The following TMEM222 variants were observed in gnomAD, a reference collection of about 807,000 sequenced individuals.
TMEM222 encodes the protein transmembrane protein 222, also known as chromosome 1 open reading frame 160.
In TMEM222, 18 loss-of-function variants were observed where a neutral mutation model predicts 25.1. That is an observed-to-expected ratio of 0.72 (90% CI 0.50 to 1.06). The LOEUF is 1.06. TMEM222 is among the 50% of genes least tolerant of loss of function. TMEM222 has a pLI of 0.00. For missense variants in TMEM222, 296 were observed against 293.7 expected (o/e 1.01, Z -0.06); for synonymous variants, 131 against 117.9 (o/e 1.11, Z -0.72).
At chr1:27,334,759 G>C in intron 5 of TMEM222, 1 of 1,192,330 alleles carries the variant, frequency 8.4e-7, no homozygotes, top group Non-Finnish European at 1.1e-6. Context: ...GCATAGGTTA[G>C]TGCTGATCTG....
intron 5 of TMEM222, chr1:27,334,951 G>A: frequency 2.2e-6 from 1 of 448,812 alleles, no homozygotes; most frequent in Non-Finnish European, 3.3e-6. Flanking sequence ...CAACACTGCT[G>A]ACCCTTGCCA....
At chr1:27,330,987 C>T in intron 2 of TMEM222, 183 bp downstream of exon 2, 1 of 1,487,752 alleles carries the variant, frequency 6.7e-7, no homozygotes, top group South Asian at 1.4e-5. Flanking sequence ...GCCTCCAGGA[C>T]AGGCCGGGAG....
intron 5 of TMEM222, 128 bp from the exon 6 acceptor site, chr1:27,335,251 G>A (rs2148020000): frequency 2.3e-6 from 2 of 867,376 alleles, no homozygotes; most frequent in Non-Finnish European, 3.7e-6. Flanking sequence ...CAAGTTTGGG[G>A]TGAGGGGGTG....
chr1:27,335,204 A>G lies in TMEM222; in HGVS notation c.540-175A>G, dbSNP rs956425984. On this transcript the variant is annotated intron_variant, in intron 5 of 5. Transcript: ENST00000374076. ...GGGACCATAGCTGGTGATCCCCCAT[A>G]GTGGGCAACCATGCCCAGCCTGCTT... 3.1e-5 allele frequency: 20 copies of G among 640,710 alleles called. No individual in the cohort carries two copies. In the African/African-American group the frequency reaches 3.6e-4, roughly 12 times the overall value. The allele number at this position is 640,710 out of a possible 1,614,324, so 39.7% of individuals were successfully genotyped here.
At chr1:27,327,415 G>A (rs1019757425) in intron 1 of TMEM222, among the ~76,000 whole-genome samples, 12 of 152,152 alleles carry the variant, frequency 7.9e-5, no homozygotes, top group Non-Finnish European at 1.0e-4. Context: ...TAGAGACAGA[G>A]TCTTGCTCTG....
intron 1 of TMEM222, among the ~76,000 whole-genome samples, chr1:27,323,285 A>G (rs1209861751): frequency 1.3e-5 from 2 of 152,188 alleles, no homozygotes; most frequent in Non-Finnish European, 2.9e-5. Flanking sequence ...TTTGCACTAC[A>G]TCTTATCCAC....
At chr1:27,331,198 G>A in intron 2 of TMEM222, 10 of 1,080,938 alleles carry the variant, frequency 9.3e-6, no homozygotes, top group Non-Finnish European at 1.1e-5. Context: ...TGGCCATGGA[G>A]AAGAGGGGGT....
intron 1 of TMEM222, among the ~76,000 whole-genome samples, chr1:27,326,016 G>A (rs947284343): frequency 3.3e-5 from 5 of 152,180 alleles, no homozygotes; most frequent in African/African-American, 1.2e-4. Flanking sequence ...CTTGGTATTT[G>A]TTTAATACCC....
Position 27,330,749 on chromosome 1 carries a change from G to C in TMEM222, c.224G>C (p.Gly75Ala). 6.2e-7 allele frequency: 1 copy of C among 1,614,132 alleles called. No individual in the cohort carries two copies. The highest frequency in any genetic ancestry group is 1.1e-5 in the South Asian group (1 of 91,078). ...TTTTTCCCCATCATCGGCCACATGG[G>C]CATCTGCACATCCACAGGAGTCATT... ...TWFFPIIGHM[G>A]ICTSTGVIRD... The change falls in exon 2 of 6, where the codon GGC becomes GCC. Residue 75 changes from glycine (G) to alanine (A), a missense_variant. Transcript: ENST00000374076.
In TMEM222 at chr1:27,330,958, C is replaced by A. The variant is rs1456391464; in HGVS notation, c.279+154C>A. 2.0e-6 allele frequency: 3 copies of A among 1,511,372 alleles called. No homozygotes were observed. In the Admixed American group the frequency reaches 6.9e-5, roughly 35 times the overall value. 93.6% of individuals were successfully genotyped at this position (1,511,372 alleles called of 1,614,324 possible). ...CCCTCTGCCCCTCACCAGTGTTTGACCCCTTTCCCCCTTCTCTTGCCTCCA... is the reference window on the plus strand; with the variant it reads ...CCCTCTGCCCCTCACCAGTGTTTGAACCCTTTCCCCCTTCTCTTGCCTCCA... On this transcript the variant is annotated intron_variant, in intron 2 of 5. Transcript: ENST00000374076.
chr1:27,324,154 C>G (rs1296253045), intron 1 of TMEM222, among the ~76,000 whole-genome samples: 2 of 152,038 alleles, frequency 1.3e-5, no homozygotes, highest in East Asian at 1.9e-4. Context: ...GGAGAAACCC[C>G]ATCTCTACTA....
intron 1 of TMEM222, among the ~76,000 whole-genome samples, chr1:27,328,732 ATGT>A (rs1445752859): frequency 5.3e-5 from 8 of 151,982 alleles, no homozygotes; most frequent in Non-Finnish European, 1.2e-4. Context: ...CTGCCTGTTG[ATGT>A]TGTGTCCTTT....
intron 5 of TMEM222, chr1:27,334,807 AT>A (rs1277724577): frequency 9.1e-7 from 1 of 1,102,166 alleles, no homozygotes; most frequent in Admixed American, 4.5e-5. Context: ...CACGTTCATC[AT>A]TAAGAGGTTC....
intron 5 of TMEM222, chr1:27,334,958 G>T: frequency 2.5e-6 from 1 of 404,128 alleles, no homozygotes; most frequent in Non-Finnish European, 3.8e-6. Flanking sequence ...GCTGACCCTT[G>T]CCAGCCCCAG....
intron 2 of TMEM222, 104 bp from the exon 3 acceptor site, chr1:27,331,965 CT>C (rs2014489016): frequency 4.8e-6 from 6 of 1,259,640 alleles, no homozygotes; most frequent in Non-Finnish European, 5.8e-6. Flanking sequence ...CCCCCCACCC[CT>C]GACATACCCT....
At chr1:27,330,827 CG>C (rs759790832) in intron 2 of TMEM222, 23 bp downstream of exon 2, 3 of 1,612,888 alleles carry the variant, frequency 1.9e-6, no homozygotes, top group Non-Finnish European at 8.5e-7. Context: ...TCTGCCCACC[CG>C]GGGGGTTCCA....
At position 27,322,302 on chromosome 1, in the gene TMEM222, GC is replaced by G; in HGVS notation, c.106del (p.Gln36AsnfsTer117). 6.4e-7 allele frequency: 1 copy of G among 1,564,016 alleles called. No individual in the cohort carries two copies. Among genetic ancestry groups the G allele is most frequent in the Non-Finnish European group, 8.7e-7 (1 of 1,152,830 alleles). On this transcript the variant is annotated frameshift_variant, in exon 1 of 6. Transcript: ENST00000374076. LOFTEE classifies it high-confidence loss of function. ...CGACGGCGGCCGAGACGGACATGAAGCAATATCAAGGCTCCGGCGGCGTCGC... is the reference window on the plus strand; with the variant it reads ...CGACGGCGGCCGAGACGGACATGAAGAATATCAAGGCTCCGGCGGCGTCGC... Reference protein sequence around the residue: ...APTAAETDMKQYQGSGGVAMD... With the variant: ...APTAAETDMKXYQGSGGVAMD...
At chr1:27,322,636 G>T (rs2014233558) in intron 1 of TMEM222, among the ~76,000 whole-genome samples, 1 of 152,242 alleles carries the variant, frequency 6.6e-6, no homozygotes, top group Non-Finnish European at 1.5e-5. Context: ...GCAGGAAAGG[G>T]CAAGTGGCTG....
At chr1:27,332,173 G>A (rs1261394264) in intron 3 of TMEM222, 72 bp downstream of exon 3, 3 of 1,552,594 alleles carry the variant, frequency 1.9e-6, no homozygotes, top group East Asian at 2.2e-5. Flanking sequence ...AGGCCTTCTG[G>A]GGCACAGGAG....
Sources: allele counts gnomAD v4.1 joint callset (sites outside exome capture counted in the v4.1 genomes callset), GRCh38; gene constraint gnomAD v4.1.1; transcripts MANE v1.5; gene names NCBI Gene and HGNC (gene_info 2026-07-23, HGNC 2026-07-21).